GPR107: variants seen among roughly 807,000 people sequenced by gnomAD.
GPR107 encodes the protein G protein-coupled receptor 107, also known as protein GPR107.
A neutral mutation model predicts 75.5 loss-of-function variants in GPR107; 31 were observed. That is an observed-to-expected ratio of 0.41 (90% CI 0.31 to 0.55). The LOEUF is 0.55. GPR107 is among the 20% of genes least tolerant of loss of function. GPR107 has a pLI of 0.26. For synonymous variants in GPR107, 267 were observed against 251.3 expected (o/e 1.06, Z -0.59); for missense variants, 572 against 665.7 (o/e 0.86, Z 1.55).
At chr9:130,126,742 A>G (rs993359746) in intron 15 of GPR107, among the ~76,000 whole-genome samples, 21 of 152,036 alleles carry the variant, frequency 1.4e-4, no homozygotes, top group African/African-American at 5.1e-4. Flanking sequence ...GTAGAGAGAG[A>G]TGCAAGAGCA....
At chr9:130,105,274 A>G (rs1458732934) in intron 13 of GPR107, among the ~76,000 whole-genome samples, 7 of 149,956 alleles carry the variant, frequency 4.7e-5, no homozygotes, top group South Asian at 2.1e-4. Flanking sequence ...TTAACCCGAG[A>G]TGGAGTTTCG....
chr9:130,094,114 C>T (rs1830806042), intron 9 of GPR107, among the ~76,000 whole-genome samples: 1 of 152,114 alleles, frequency 6.6e-6, no homozygotes, highest in African/African-American at 2.4e-5. Context: ...CACACCTGGC[C>T]CAGCAAGACT....
At chr9:130,075,971 G>A (rs558047601) in intron 2 of GPR107, among the ~76,000 whole-genome samples, 3 of 151,916 alleles carry the variant, frequency 2.0e-5, no homozygotes, top group South Asian at 2.1e-4. Context: ...TAGTAGAGAC[G>A]GGGTTTCACC....
chr9:130,111,459 G>A (rs1375256284), intron 14 of GPR107, among the ~76,000 whole-genome samples: 2 of 152,116 alleles, frequency 1.3e-5, no homozygotes, highest in African/African-American at 4.8e-5. Context: ...TTGAGCCCAG[G>A]AGATCAAGGC....
intron 14 of GPR107, among the ~76,000 whole-genome samples, chr9:130,116,684 C>T (rs1221939871): frequency 2.6e-5 from 4 of 152,134 alleles, no homozygotes; most frequent in African/African-American, 7.2e-5. Flanking sequence ...GCCTTTGGTG[C>T]ATTATGGCTC....
At chr9:130,121,380 G>A (rs1831543294) in intron 14 of GPR107, among the ~76,000 whole-genome samples, 1 of 152,162 alleles carries the variant, frequency 6.6e-6, no homozygotes, top group Non-Finnish European at 1.5e-5. Flanking sequence ...TTTTAAGAAA[G>A]TTTACAAATC....
chr9:130,109,746 T>A (rs1831249357), intron 14 of GPR107, among the ~76,000 whole-genome samples: 1 of 151,872 alleles, frequency 6.6e-6, no homozygotes, highest in Non-Finnish European at 1.5e-5. Flanking sequence ...ATGTTTTGTA[T>A]TTTTAGTAGA....
chr9:130,104,634 C>A, intron 13 of GPR107, 84 bp downstream of exon 13: 2 of 1,113,876 alleles, frequency 1.8e-6, no homozygotes, highest in East Asian at 2.4e-5. Context: ...AAACTGATCT[C>A]AGTCACATGG....
chr9:130,094,360 C>T (rs575709447), intron 9 of GPR107, among the ~76,000 whole-genome samples: 4 of 152,180 alleles, frequency 2.6e-5, no homozygotes, highest in South Asian at 2.1e-4. Context: ...AGGAGAATGG[C>T]GTGAACCTGG....
intron 5 of GPR107, among the ~76,000 whole-genome samples, chr9:130,081,538 T>A (rs1388781459): frequency 6.6e-6 from 1 of 151,894 alleles, no homozygotes; most frequent in Non-Finnish European, 1.5e-5. Context: ...CCGGGCATGG[T>A]GGCACGTGCC....
intron 14 of GPR107, among the ~76,000 whole-genome samples, chr9:130,124,188 A>C (rs1831618835): frequency 6.6e-6 from 1 of 152,218 alleles, no homozygotes; most frequent in Middle Eastern, 3.2e-3. Flanking sequence ...CAGTAATTGA[A>C]TGCTATTAAG....
chr9:130,107,982 T>G (rs1831201240), intron 14 of GPR107, among the ~76,000 whole-genome samples: 1 of 152,218 alleles, frequency 6.6e-6, no homozygotes, highest in South Asian at 2.1e-4. Context: ...AGCAAGACTC[T>G]GATGACAGAA....
At chr9:130,117,668 G>C (rs1016939250) in intron 14 of GPR107, among the ~76,000 whole-genome samples, 1 of 152,206 alleles carries the variant, frequency 6.6e-6, no homozygotes, top group African/African-American at 2.4e-5. Flanking sequence ...CGCCAGCCAG[G>C]CTGTCCATCG....
At chr9:130,104,957 A>C (rs1360608575) in intron 13 of GPR107, among the ~76,000 whole-genome samples, 1 of 152,256 alleles carries the variant, frequency 6.6e-6, no homozygotes. Context: ...GATAGTTCTC[A>C]GCACACAAAC....
At chr9:130,087,727 T>TG (rs76867586) in intron 7 of GPR107, among the ~76,000 whole-genome samples, 11,680 of 139,968 alleles carry the variant, frequency 0.083, 588 homozygotes, top group Admixed American at 0.15. Context: ...TACTTGAGCC[T>TG]GGGGGGTCAA....
Position 130,112,298 on chromosome 9 carries a change from G to A in GPR107, c.1306+4759G>A, listed in dbSNP as rs779282470. 3.3e-5 allele frequency among the ~76,000 whole-genome samples: 5 copies of A among 152,208 alleles called. No homozygotes were observed. Among genetic ancestry groups the A allele is most frequent in the South Asian group, 2.1e-4 (1 of 4,830 alleles). On this transcript the variant is annotated intron_variant, in intron 14 of 17. Transcript: ENST00000347136. The surrounding 1 kb of genome is among the most constrained non-coding windows in gnomAD (Gnocchi z 4.0). ...GCCGCCGTGCTCTGAAAGGAGCCGC[G>A]ACCATGCGAGGCATTTGTTAGGGCA...
At chr9:130,101,410 G>A (rs1831029427) in intron 12 of GPR107, among the ~76,000 whole-genome samples, 187 bp downstream of exon 12, 1 of 152,222 alleles carries the variant, frequency 6.6e-6, no homozygotes, top group African/African-American at 2.4e-5. Context: ...GGAGATGCTT[G>A]GGCATCAGTC....
chr9:130,070,405 G>GT (rs2132551224), intron 1 of GPR107, among the ~76,000 whole-genome samples: 1 of 152,236 alleles, frequency 6.6e-6, no homozygotes, highest in African/African-American at 2.4e-5. Context: ...CCAGGTTCAA[G>GT]TTATTCTCCT....
chr9:130,075,781 ACT>A, intron 2 of GPR107, 32 bp downstream of exon 2: 2 of 929,954 alleles, frequency 2.2e-6, no homozygotes, highest in East Asian at 2.8e-5. Context: ...CCAGGGGTTT[ACT>A]CTTTTTTTTT....
Sources: gnomAD v4.1 joint callset for allele counts (sites outside exome capture counted in the v4.1 genomes callset) on GRCh38, gnomAD v4.1.1 for gene constraint, Gnocchi (gnomAD v3.1) non-coding constraint, MANE v1.5 for transcripts, NCBI Gene and HGNC (gene_info 2026-07-23, HGNC 2026-07-21) for gene names.